Variants in AHI1 observed in about 807,000 individuals in gnomAD.
The protein encoded by AHI1 is jouberin.
A neutral mutation model predicts 149.3 loss-of-function variants in AHI1; 123 were observed. That is an observed-to-expected ratio of 0.82 (90% CI 0.71 to 0.96). The LOEUF (loss-of-function observed/expected upper bound fraction) is 0.96. Ranked by LOEUF, AHI1 falls within the 40% of genes least tolerant of loss-of-function variation. AHI1 has a pLI of 0.00. For missense variants in AHI1, 1,439 were observed against 1,422.7 expected, an observed-to-expected ratio of 1.01 and a Z score of -0.18; for synonymous variants, 475 against 459.8, an observed-to-expected ratio of 1.03 and a Z score of -0.42.
At chr6:135,356,496 T>C (rs1456233208) in intron 24 of AHI1, among the ~76,000 whole-genome samples, 1 of 152,074 alleles carries the variant, frequency 6.6e-6, no homozygotes, top group Admixed American at 6.6e-5. Context: ...AAAGATTAAG[T>C]GTTGGAAAGC....
At chr6:135,302,345 C>CTA (rs928506142) in intron 26 of AHI1, 1 of 986,772 alleles carries the variant, frequency 1.0e-6, no homozygotes, top group Admixed American at 6.0e-5. Flanking sequence ...TCATACTGAA[C>CTA]TATATACCAG....
intron 21 of AHI1, among the ~76,000 whole-genome samples, chr6:135,407,600 C>T (rs1780972565): frequency 6.6e-6 from 1 of 152,132 alleles, no homozygotes; most frequent in African/African-American, 2.4e-5. Flanking sequence ...GACATATTCT[C>T]TAAATAATTT....
chr6:135,488,275 C>T (rs891547430), intron 5 of AHI1, among the ~76,000 whole-genome samples: 2 of 152,088 alleles, frequency 1.3e-5, no homozygotes, highest in Admixed American at 6.5e-5. Context: ...AGTACTGTCC[C>T]GGGATACTTA....
intron 23 of AHI1, among the ~76,000 whole-genome samples, chr6:135,361,645 T>A (rs928266603): frequency 1.5e-5 from 2 of 133,810 alleles, no homozygotes; most frequent in Admixed American, 1.5e-4. Flanking sequence ...AGGTATGGTT[T>A]CACACACACA....
At position 135,363,984 on chromosome 6, in the gene AHI1, G is replaced by A. The variant is rs1173165022; in HGVS notation, c.3110-5797C>T. ...CCTCCCGGACGGGGCGGCTGGCCGG[G>A]CAGAGGGGCTCCTCACTTCCCAGTA... On this transcript the variant is annotated intron_variant, in intron 23 of 28. Coordinates refer to ENST00000265602, the MANE Select transcript of AHI1 (RefSeq NM_001134831.2). Among the ~76,000 whole-genome samples the A allele has an allele frequency of 2.0e-3, 293 of 146,590 alleles. 1 individual carries two copies. The highest frequency in any genetic ancestry group is 7.0e-3 in the African/African-American group (274 of 39,334).
chr6:135,333,116 G>A (rs1788844671), intron 24 of AHI1, among the ~76,000 whole-genome samples: 1 of 152,090 alleles, frequency 6.6e-6, no homozygotes, highest in South Asian at 2.1e-4. Context: ...AGACTTCAGG[G>A]TACTCCTTAG....
At chr6:135,470,762 G>A (rs1181364172) in intron 5 of AHI1, among the ~76,000 whole-genome samples, 3 of 151,992 alleles carry the variant, frequency 2.0e-5, no homozygotes, top group African/African-American at 7.2e-5. Context: ...ACAGGGAGAG[G>A]AACAACAAAC....
chr6:135,349,430 G>A (rs993281006), intron 24 of AHI1, among the ~76,000 whole-genome samples: 3 of 152,160 alleles, frequency 2.0e-5, no homozygotes, highest in Admixed American at 2.0e-4. Flanking sequence ...CCCATCTGCT[G>A]GCTAAATTGC....
chr6:135,411,412 A>G lies in AHI1; in HGVS notation c.2897T>C (p.Phe966Ser). 1.2e-6 allele frequency: 2 copies of G among 1,613,852 alleles called. No individual in the cohort carries two copies. Among genetic ancestry groups the G allele is most frequent in the Non-Finnish European group, 8.5e-7 (1 of 1,179,774 alleles). Reference protein sequence around the residue: ...PHQGSFQIDEFVHTESSSTKM... With the variant: ...PHQGSFQIDESVHTESSSTKM... ...CGTTGAAGAACTTTCAGTGTGGACA[A>G]ATTCATCAATCTGAAAAGAGCCTTG... Residue 966 changes from phenylalanine to serine, a missense_variant, in exon 21 of 29, where the codon TTT becomes TCT. By Grantham distance (155) the Phe-to-Ser change is radical. Transcript: ENST00000265602.
chr6:135,361,650 C>CACAT (rs1793891457), intron 23 of AHI1, among the ~76,000 whole-genome samples: 3 of 28,908 alleles, frequency 1.0e-4, no homozygotes, highest in Admixed American at 9.8e-4. Context: ...TGGTTTCACA[C>CACAT]ACACACACAC....
chr6:135,358,292 A>G, intron 23 of AHI1, 105 bp from the exon 24 acceptor site: 1 of 964,180 alleles, frequency 1.0e-6, no homozygotes, highest in Non-Finnish European at 1.6e-6. Context: ...TGACTCACAC[A>G]GCTTCCAAGA....
chr6:135,418,627 C>T (rs1229694116), intron 20 of AHI1, among the ~76,000 whole-genome samples: 1 of 152,040 alleles, frequency 6.6e-6, no homozygotes, highest in Non-Finnish European at 1.5e-5. Flanking sequence ...TTATTACAAT[C>T]TATGTACTTA....
At chr6:135,401,873 C>A (rs111319638) in intron 22 of AHI1, among the ~76,000 whole-genome samples, 1 of 151,956 alleles carries the variant, frequency 6.6e-6, no homozygotes, top group African/African-American at 2.4e-5. Flanking sequence ...CAAAAGACAT[C>A]ATTAAGAAAG....
intron 24 of AHI1, among the ~76,000 whole-genome samples, chr6:135,353,696 G>A (rs564491113): frequency 2.0e-5 from 3 of 152,084 alleles, no homozygotes; most frequent in East Asian, 1.9e-4. Context: ...AGAGATTCAG[G>A]ATAAAATTTA....
intron 22 of AHI1, 107 bp downstream of exon 22, chr6:135,404,844 C>A: frequency 1.1e-6 from 1 of 946,410 alleles, no homozygotes; most frequent in Non-Finnish European, 1.7e-6. Flanking sequence ...AAGTACACAT[C>A]AGATTAACTC....
At chr6:135,354,213 T>C (rs1792603600) in intron 24 of AHI1, among the ~76,000 whole-genome samples, 1 of 152,092 alleles carries the variant, frequency 6.6e-6, no homozygotes. Flanking sequence ...ACTAAAAATA[T>C]TAATATTAGT....
chr6:135,349,862 C>T (rs953693174), intron 24 of AHI1, among the ~76,000 whole-genome samples: 1 of 152,166 alleles, frequency 6.6e-6, no homozygotes, highest in Admixed American at 6.5e-5. Flanking sequence ...AGTCCCTTGG[C>T]AAGAGACCTT....
At chr6:135,382,894 TAAAAAAAAA>T (rs573438726) in intron 23 of AHI1, among the ~76,000 whole-genome samples, 2 of 15,588 alleles carry the variant, frequency 1.3e-4, no homozygotes, top group South Asian at 5.1e-3. Context: ...GCAAAATTAG[TAAAAAAAAA>T]AAAAAAAAAA....
At chr6:135,405,007 A>C in intron 21 of AHI1, 30 bp from the exon 22 acceptor site, 1 of 1,570,598 alleles carries the variant, frequency 6.4e-7, no homozygotes, top group Non-Finnish European at 8.7e-7. Flanking sequence ...ATAAGGAAGT[A>C]TTCATAATTT....
Sources: allele counts gnomAD v4.1 joint callset (sites outside exome capture counted in the v4.1 genomes callset), GRCh38; gene constraint gnomAD v4.1.1; transcripts MANE v1.5; gene names NCBI Gene and HGNC (gene_info 2026-07-23, HGNC 2026-07-21).